The following SDK2 variants were observed in gnomAD, a reference collection of about 807,000 sequenced individuals.
SDK2 encodes the protein protein sidekick-2.
Under a neutral mutation model 253.9 loss-of-function variants are expected in SDK2, and 105 were observed. The observed-to-expected ratio is 0.41, with a 90% CI of 0.35 to 0.49. SDK2 has a LOEUF of 0.49. SDK2 is among the 20% of genes least tolerant of loss of function. The probability of loss-of-function intolerance (pLI) is 0.06; values close to 1 mark genes in which losing one functional copy is unlikely to be tolerated. For synonymous variants in SDK2, 1,249 were observed against 1,234.9 expected, an observed-to-expected ratio of 1.01 and a Z score of -0.24; for missense variants, 2,608 against 3,003.0, an observed-to-expected ratio of 0.87 and a Z score of 3.07.
chr17:73,426,041 ATATTT>A (rs762591136), intron 12 of SDK2, among the ~76,000 whole-genome samples: 6 of 151,320 alleles, frequency 4.0e-5, no homozygotes, highest in African/African-American at 4.9e-5. Flanking sequence ...TCCTATTTTT[ATATTT>A]TATTTTATTT....
At chr17:73,610,706 CTG>C (rs67066607) in intron 1 of SDK2, among the ~76,000 whole-genome samples, 22,077 of 152,088 alleles carry the variant, frequency 0.15, 1,906 homozygotes, top group African/African-American at 0.25. Context: ...TAATGTGTGT[CTG>C]TGTGTGTTAG....
intron 40 of SDK2, among the ~76,000 whole-genome samples, chr17:73,354,628 A>C (rs1361477093): frequency 6.6e-6 from 1 of 152,168 alleles, no homozygotes; most frequent in Non-Finnish European, 1.5e-5. Context: ...CAGTGAGGCC[A>C]GCTCGCAGGT....
chr17:73,619,996 C>T (rs528540878), intron 1 of SDK2, among the ~76,000 whole-genome samples: 6 of 152,206 alleles, frequency 3.9e-5, no homozygotes, highest in African/African-American at 1.2e-4. Context: ...CCCAGGAGTT[C>T]AAGACCAGCC....
intron 41 of SDK2, among the ~76,000 whole-genome samples, chr17:73,351,662 G>A (rs1844069663): frequency 1.3e-5 from 2 of 152,082 alleles, no homozygotes; most frequent in Admixed American, 6.6e-5. Flanking sequence ...GGGTCTTTAG[G>A]ATGTCTCTTC....
At chr17:73,582,056 C>T (rs917765787) in intron 1 of SDK2, among the ~76,000 whole-genome samples, 1 of 152,176 alleles carries the variant, frequency 6.6e-6, no homozygotes, top group Admixed American at 6.5e-5. Context: ...TACTTGGTGC[C>T]CCACTTTGGG....
intron 1 of SDK2, among the ~76,000 whole-genome samples, chr17:73,515,325 G>C (rs1433931164): frequency 6.6e-6 from 1 of 152,186 alleles, no homozygotes; most frequent in East Asian, 1.9e-4. Flanking sequence ...GGACATTCAA[G>C]GAGGTTGGTG....
rs2063845485 is a variant in SDK2, at chr17:73,496,867, T to A, written c.224+10571A>T. 6.6e-6 allele frequency among the ~76,000 whole-genome samples: 1 copy of A among 152,206 alleles called. No homozygotes were observed. The highest frequency in any genetic ancestry group is 1.5e-5 in the Non-Finnish European group (1 of 68,040). ...TCCTGAAGGTCACCAGACTTCTATGTCCCTAAATTGAGCTGACGATTTATT... is the reference window on the plus strand; with the variant it reads ...TCCTGAAGGTCACCAGACTTCTATGACCCTAAATTGAGCTGACGATTTATT... On this transcript the variant is annotated intron_variant, in intron 2 of 44. Transcript: ENST00000392650. This position sits in a 1 kb window ranked among gnomAD's most constrained non-coding sequence, Gnocchi z 4.7.
intron 3 of SDK2, among the ~76,000 whole-genome samples, chr17:73,458,918 C>T (rs867567621): frequency 6.6e-6 from 1 of 152,148 alleles, no homozygotes; most frequent in African/African-American, 2.4e-5. Flanking sequence ...GTAGGAGAAT[C>T]GCTTGAACCT....
At chr17:73,513,122 C>A (rs1318108518) in intron 1 of SDK2, among the ~76,000 whole-genome samples, 6 of 149,802 alleles carry the variant, frequency 4.0e-5, no homozygotes, top group African/African-American at 1.2e-4. Flanking sequence ...ATACCTTCAA[C>A]TACACAGAAA....
intron 1 of SDK2, among the ~76,000 whole-genome samples, chr17:73,529,287 G>T (rs7406421): frequency 0.28 from 42,901 of 151,908 alleles, 6,475 homozygotes; most frequent in East Asian, 0.4. Context: ...ATTTCACTCG[G>T]GTCTGCCTCC....
intron 2 of SDK2, among the ~76,000 whole-genome samples, chr17:73,491,827 C>T (rs778117441): frequency 2.6e-5 from 4 of 152,296 alleles, no homozygotes; most frequent in Non-Finnish European, 4.4e-5. Context: ...GCTAAGGAAG[C>T]GCTGGGGACC....
At chr17:73,438,350 TGGGC>T (rs1009921144) in intron 6 of SDK2, among the ~76,000 whole-genome samples, 196 bp from the exon 7 acceptor site, 4 of 152,128 alleles carry the variant, frequency 2.6e-5, no homozygotes, top group Admixed American at 1.3e-4. Flanking sequence ...TTCTATAAAG[TGGGC>T]GCATCTGTGC....
rs541027654 is a variant in SDK2 at position 73,639,453 on chromosome 17, G to A, written c.64+4572C>T. The stretch of plus-strand genomic sequence containing the variant: ...GGACACCTAGGGGAGGGGGCACCCG[G>A]GGTGTCTCGGCAACCAGCTTGTTTT... On this transcript the variant is annotated intron_variant, in intron 1 of 44. Transcript: ENST00000392650. This position sits in a 1 kb window ranked among gnomAD's most constrained non-coding sequence, Gnocchi z 4.3. 1.3e-5 allele frequency among the ~76,000 whole-genome samples: 2 copies of A among 152,308 alleles called. No individual in the cohort carries two copies. The highest frequency in any genetic ancestry group is 3.9e-4 in the East Asian group (2 of 5,172).
At chr17:73,610,662 T>A (rs1029140473) in intron 1 of SDK2, among the ~76,000 whole-genome samples, 2 of 152,000 alleles carry the variant, frequency 1.3e-5, no homozygotes, top group Non-Finnish European at 2.9e-5. Context: ...TGTTTCTGTG[T>A]GTGCATGTGT....
rs1459005997 is a variant in SDK2 at position 73,383,826 on chromosome 17, G to T, written c.4705+50C>A. The stretch of plus-strand genomic sequence containing the variant: ...GAGAGCTCCAGAGCGGGAAGGTGAG[G>T]GTGACCGCCCCCATCCCACCCATTC... On this transcript the variant is annotated intron_variant, in intron 33 of 44. Transcript: ENST00000392650. The surrounding 1 kb of genome is among the most constrained non-coding windows in gnomAD (Gnocchi z 4.3). 1 of 1,606,542 alleles carries T rather than the reference G, an allele frequency of 6.2e-7. No individual in the cohort carries two copies. The highest frequency in any genetic ancestry group is 2.2e-5 in the East Asian group (1 of 44,638).
intron 1 of SDK2, among the ~76,000 whole-genome samples, chr17:73,614,979 TA>T (rs57411997): frequency 0.78 from 107,321 of 137,316 alleles, 41,098 homozygotes; most frequent in Admixed American, 0.83. Context: ...GAATAGAAGA[TA>T]AAAAAAAAAA....
chr17:73,445,459 A>G (rs2063446533), intron 5 of SDK2, among the ~76,000 whole-genome samples: 1 of 152,162 alleles, frequency 6.6e-6, no homozygotes, highest in South Asian at 2.1e-4. Context: ...TGAGGTCACC[A>G]GGGTTATCCT....
intron 4 of SDK2, among the ~76,000 whole-genome samples, chr17:73,453,949 C>T (rs1252627587): frequency 6.6e-6 from 1 of 152,200 alleles, no homozygotes; most frequent in Admixed American, 6.5e-5. Flanking sequence ...CTACCTTATA[C>T]AGGTGTGCCA....
intron 1 of SDK2, among the ~76,000 whole-genome samples, chr17:73,556,518 G>A (rs1476973701): frequency 2.0e-5 from 3 of 152,204 alleles, no homozygotes; most frequent in South Asian, 2.1e-4. Flanking sequence ...TTTATGTACC[G>A]TGACTCATTT....
Sources: gnomAD v4.1 joint callset for allele counts (sites outside exome capture counted in the v4.1 genomes callset) on GRCh38, gnomAD v4.1.1 for gene constraint, Gnocchi (gnomAD v3.1) non-coding constraint, MANE v1.5 for transcripts, NCBI Gene and HGNC (gene_info 2026-07-23, HGNC 2026-07-21) for gene names.